The following NCOA7 variants were observed in gnomAD, a reference collection of about 807,000 sequenced individuals.
NCOA7 encodes nuclear receptor coactivator 7, also known as 140 kDa estrogen receptor-associated protein.
A neutral mutation model predicts 104.3 loss-of-function variants in NCOA7; 45 were observed. The observed-to-expected ratio is 0.43, with a 90% CI of 0.34 to 0.55. The LOEUF (loss-of-function observed/expected upper bound fraction) is 0.55. Among genes scored for constraint, NCOA7 ranks in the 20% least tolerant of loss-of-function variants. The pLI, the probability that NCOA7 is intolerant of heterozygous loss-of-function variation, is 0.02. For synonymous variants in NCOA7, 398 were observed against 402.3 expected (o/e 0.99, Z 0.13); for missense variants, 1,041 against 1,119.7 (o/e 0.93, Z 1.00).
At chr6:125,843,439 G>A (rs1357694251) in intron 2 of NCOA7, among the ~76,000 whole-genome samples, 1 of 152,126 alleles carries the variant, frequency 6.6e-6, no homozygotes, top group East Asian at 1.9e-4. Context: ...TGGTAATTTG[G>A]TACAGCAGCC....
chr6:125,784,402 T>TA (rs1258779114), intron 1 of NCOA7, among the ~76,000 whole-genome samples: 1 of 152,152 alleles, frequency 6.6e-6, no homozygotes, highest in African/African-American at 2.4e-5. Context: ...TTTAATAGAT[T>TA]AAAAATCCAT....
intron 3 of NCOA7, among the ~76,000 whole-genome samples, chr6:125,872,930 G>T (rs1248868489): frequency 6.6e-6 from 1 of 152,156 alleles, no homozygotes. Context: ...GAATGGTTCT[G>T]ATTTGAAGAT....
At chr6:125,788,386 A>G (rs894719924), upstream of NCOA7, among the ~76,000 whole-genome samples, 6 of 152,168 alleles carry the variant, frequency 3.9e-5, no homozygotes, top group Admixed American at 3.9e-4. Flanking sequence ...CTTTAGGAGG[A>G]GTTTGTACTC....
chr6:125,916,380 A>G (rs1787089713), intron 11 of NCOA7, among the ~76,000 whole-genome samples: 1 of 152,200 alleles, frequency 6.6e-6, no homozygotes, highest in African/African-American at 2.4e-5. Context: ...AAACGGACTA[A>G]TACACAAGCT....
intron 1 of NCOA7, among the ~76,000 whole-genome samples, chr6:125,797,576 A>G (rs1173275666): frequency 5.3e-5 from 8 of 152,186 alleles, no homozygotes; most frequent in Admixed American, 5.2e-4. Flanking sequence ...TCGCTACACA[A>G]ACATTGAATT....
At chr6:125,895,792 G>A (rs1386226016) in intron 10 of NCOA7, among the ~76,000 whole-genome samples, 4 of 151,854 alleles carry the variant, frequency 2.6e-5, no homozygotes, top group African/African-American at 9.7e-5. Context: ...CCAGATCTCG[G>A]GAGAACCCAC....
intron 3 of NCOA7, among the ~76,000 whole-genome samples, chr6:125,859,904 G>C (rs1781895745): frequency 6.6e-6 from 1 of 152,192 alleles, no homozygotes; most frequent in East Asian, 1.9e-4. Flanking sequence ...GGATGCTTCA[G>C]AAAGATTGAG....
intron 1 of NCOA7, among the ~76,000 whole-genome samples, chr6:125,815,020 T>C (rs1777452444): frequency 6.6e-6 from 1 of 152,232 alleles, no homozygotes; most frequent in East Asian, 1.9e-4. Context: ...TGAAGGTTTT[T>C]ATTTTGGCAT....
At chr6:125,860,600 G>A (rs190017719) in intron 3 of NCOA7, among the ~76,000 whole-genome samples, 262 of 152,226 alleles carry the variant, frequency 1.7e-3, no homozygotes, top group African/African-American at 5.9e-3. Context: ...CACCCACCTC[G>A]GCCTCCCCAA....
intron 10 of NCOA7, among the ~76,000 whole-genome samples, chr6:125,895,805 C>T (rs1397628599): frequency 1.3e-5 from 2 of 151,974 alleles, no homozygotes; most frequent in Admixed American, 6.6e-5. Flanking sequence ...GAACCCACTA[C>T]AGCAAGGACA....
intron 10 of NCOA7, among the ~76,000 whole-genome samples, chr6:125,894,394 T>C (rs1364257440): frequency 6.6e-6 from 1 of 152,110 alleles, no homozygotes; most frequent in Non-Finnish European, 1.5e-5. Flanking sequence ...CTAAATAATT[T>C]AGAGATTTCA....
chr6:125,834,083 TA>T (rs1223383195), intron 2 of NCOA7, among the ~76,000 whole-genome samples: 2 of 134,610 alleles, frequency 1.5e-5, no homozygotes, highest in Admixed American at 1.5e-4. Flanking sequence ...AAATGATCTT[TA>T]AAAATAAGAT....
In NCOA7 at chr6:125,855,049, A is replaced by G. The variant is rs751630362; in HGVS notation, c.80A>G (p.Asn27Ser). 3.0e-5 allele frequency: 49 copies of G among 1,609,206 alleles called. No individual in the cohort carries two copies. The highest frequency in any genetic ancestry group is 4.2e-5 in the Non-Finnish European group (49 of 1,179,130). Reference protein sequence around the residue: ...RLKKKKQAKQNAETASAVATR... With the variant: ...RLKKKKQAKQSAETASAVATR... Reference sequence around the variant, plus strand: ...AAAAAGAAAAAACAAGCCAAACAAAATGCAGAGACAGCCTCAGCTGTAGCT... The same window carrying G: ...AAAAAGAAAAAACAAGCCAAACAAAGTGCAGAGACAGCCTCAGCTGTAGCT... The change falls in exon 3 of 16, where the codon AAT becomes AGT. Residue 27 changes from asparagine to serine, a missense_variant. Asn to Ser is a conservative substitution (Grantham distance 46). Transcript: ENST00000392477.
intron 13 of NCOA7, among the ~76,000 whole-genome samples, chr6:125,924,525 T>C (rs983502971): frequency 2.0e-5 from 3 of 152,224 alleles, no homozygotes; most frequent in Admixed American, 2.0e-4. Flanking sequence ...GAAAATGAAT[T>C]ATATGACATT....
chr6:125,928,118 A>G, intron 14 of NCOA7, 56 bp from the exon 15 acceptor site: 1 of 1,453,246 alleles, frequency 6.9e-7, no homozygotes. Context: ...ATATTTCCTC[A>G]TTGCTAATTC....
At chr6:125,866,190 A>G (rs112685677) in intron 3 of NCOA7, among the ~76,000 whole-genome samples, 9,990 of 118,838 alleles carry the variant, frequency 0.084, 512 homozygotes, top group African/African-American at 0.15. Context: ...TTAGCTGGGC[A>G]TGGTGGCACA....
chr6:125,809,724 C>A (rs529471182), intron 1 of NCOA7, among the ~76,000 whole-genome samples: 1 of 152,250 alleles, frequency 6.6e-6, no homozygotes, highest in East Asian at 1.9e-4. Context: ...CTGTTCCTTA[C>A]GTGACCAAAC....
chr6:125,811,269 A>G (rs1299446908), intron 1 of NCOA7, among the ~76,000 whole-genome samples: 4 of 152,160 alleles, frequency 2.6e-5, no homozygotes, highest in Admixed American at 6.5e-5. Flanking sequence ...AATTGACGTT[A>G]TCCCCAGTCC....
intron 1 of NCOA7, among the ~76,000 whole-genome samples, chr6:125,803,639 C>A (rs1776133401): frequency 6.6e-6 from 1 of 152,170 alleles, no homozygotes; most frequent in Non-Finnish European, 1.5e-5. Flanking sequence ...AAAATGCATT[C>A]AATTGCAGAT....
Sources: allele counts gnomAD v4.1 joint callset (sites outside exome capture counted in the v4.1 genomes callset), GRCh38; gene constraint gnomAD v4.1.1; transcripts MANE v1.5; gene names NCBI Gene and HGNC (gene_info 2026-07-23, HGNC 2026-07-21).